MB21D2: variants seen among roughly 807,000 people sequenced by gnomAD.
MB21D2 encodes Mab-21 domain containing 2.
Under a neutral mutation model 33.3 loss-of-function variants are expected in MB21D2, and 9 were observed. That is an observed-to-expected ratio of 0.27 (90% CI 0.16 to 0.47). The LOEUF is 0.47. Ranked by LOEUF, MB21D2 falls within the 20% of genes least tolerant of loss-of-function variation. The pLI is 0.99. For missense variants in MB21D2, 540 were observed against 624.6 expected (o/e 0.86, Z 1.44); for synonymous variants, 241 against 236.3 (o/e 1.02, Z -0.18).
chr3:192,860,298 A>G (rs1043252451), intron 1 of MB21D2, among the ~76,000 whole-genome samples: 1 of 152,238 alleles, frequency 6.6e-6, no homozygotes, highest in Admixed American at 6.5e-5. Context: ...TTCATGCCAC[A>G]AACTGCTAGG....
At chr3:192,847,181 T>C (rs1349351818) in intron 1 of MB21D2, among the ~76,000 whole-genome samples, 1 of 152,198 alleles carries the variant, frequency 6.6e-6, no homozygotes, top group African/African-American at 2.4e-5. Flanking sequence ...AAGATTCAGA[T>C]GATTGGGTCT....
chr3:192,909,936 CAAAAAAAA>C (rs61613458), intron 1 of MB21D2, among the ~76,000 whole-genome samples: 3 of 52,804 alleles, frequency 5.7e-5, no homozygotes, highest in African/African-American at 8.0e-5. Flanking sequence ...GACTCTGTCT[CAAAAAAAA>C]AAAAAAAAAA....
intron 1 of MB21D2, among the ~76,000 whole-genome samples, chr3:192,867,735 T>C (rs972420006): frequency 1.3e-5 from 2 of 152,208 alleles, no homozygotes; most frequent in African/African-American, 4.8e-5. Flanking sequence ...AAGAGGGCTC[T>C]GTGACTGCTT....
rs34727233 is a variant in MB21D2, at chr3:192,898,224, ATTT to A, written c.211+19403_211+19405del. 1.7e-3 allele frequency among the ~76,000 whole-genome samples: 240 copies of A among 142,922 alleles called. 2 individuals carry two copies. The highest frequency in any genetic ancestry group is 0.012 in the South Asian group (56 of 4,512). The allele number at this position is 142,922 out of a possible 152,430, so 93.8% of individuals were successfully genotyped here. A position where few individuals can be genotyped will look rare whatever the true frequency, so the allele number is the denominator to read the frequency against. Reference sequence around the variant, plus strand: ...AACCAAAAACACATGAATCTCACGTATTTTTTTTTTTTTTGGAGATGGGATCTC... The same window carrying A: ...AACCAAAAACACATGAATCTCACGTATTTTTTTTTTTGGAGATGGGATCTC... On this transcript the variant is annotated intron_variant, in intron 1 of 1. Transcript: ENST00000392452.
At chr3:192,827,890 T>C (rs1009262798) in intron 1 of MB21D2, among the ~76,000 whole-genome samples, 29 of 152,120 alleles carry the variant, frequency 1.9e-4, no homozygotes, top group African/African-American at 6.5e-4. Flanking sequence ...TTAGCTCCCA[T>C]CATTACCACC....
At chr3:192,886,680 T>C (rs955580338) in intron 1 of MB21D2, among the ~76,000 whole-genome samples, 4 of 152,146 alleles carry the variant, frequency 2.6e-5, no homozygotes, top group African/African-American at 9.7e-5. Context: ...TAACATTCAA[T>C]AAATGGTGTC....
chr3:192,903,508 T>C (rs547320416), intron 1 of MB21D2, among the ~76,000 whole-genome samples: 164 of 152,370 alleles, frequency 1.1e-3, no homozygotes, highest in Non-Finnish European at 1.9e-3. Context: ...TGCCAATTTC[T>C]GCCTAAAGCT....
rs747430794 is a variant in MB21D2 at position 192,797,508 on chromosome 3, C to T, written c.*878G>A. The T allele has an allele frequency of 3.3e-5, 5 of 152,420 alleles. No individual in the cohort carries two copies. The highest frequency in any genetic ancestry group is 7.4e-5 in the Non-Finnish European group (5 of 67,994). 9.4% of individuals were successfully genotyped at this position (152,420 alleles called of 1,614,324 possible). On this transcript the variant is annotated 3_prime_UTR_variant, in exon 2 of 2. Coordinates refer to ENST00000392452, the MANE Select transcript of MB21D2 (RefSeq NM_178496.4). ...CAACTGAAGGAGAACTAAGCAAATG[C>T]AAAGAATCATTTCACTGATAGAAAT...
rs1182279827 is a variant in MB21D2, at chr3:192,828,635, T to C, written c.212-28985A>G. On this transcript the variant is annotated intron_variant, in intron 1 of 1. Coordinates refer to ENST00000392452, the MANE Select transcript of MB21D2 (RefSeq NM_178496.4). ...ATATATATATATATATATATATATA[T>C]ATATATATATATATATATATATATA... Among the ~76,000 whole-genome samples, 74 of 36,542 alleles carry C rather than the reference T, an allele frequency of 2.0e-3. 10 individuals are homozygous for C. The South Asian group carries it at 0.03, about 15-fold the overall frequency. 24.0% of individuals were successfully genotyped at this position (36,542 alleles called of 152,430 possible).
intron 1 of MB21D2, among the ~76,000 whole-genome samples, chr3:192,839,945 G>C (rs1712531410): frequency 6.6e-6 from 1 of 150,684 alleles, no homozygotes; most frequent in Non-Finnish European, 1.5e-5. Flanking sequence ...CTGTGGAGAA[G>C]CATGTAACAT....
Position 192,917,670 on chromosome 3 carries a change from C to T in MB21D2, c.171G>A (p.Leu57=), listed in dbSNP as rs1714499597. 8.1e-6 allele frequency: 13 copies of T among 1,614,182 alleles called. No individual in the cohort carries two copies. Among genetic ancestry groups the T allele is most frequent in the Non-Finnish European group, 1.1e-5 (13 of 1,180,036 alleles). ...TGAAATCCTTGGCTGTGTGAATCTC[C>T]AGCGCTCTCTGGTCGTCGTATTCCC... ...DQREYDDQRA[L]EIHTAKDFIF... is the part of the protein sequence containing the mutation. The change falls in exon 1 of 2, where the codon CTG becomes CTA. Residue 57 remains leucine, a synonymous_variant. Transcript: ENST00000392452.
chr3:192,890,914 A>C (rs1451146149), intron 1 of MB21D2, among the ~76,000 whole-genome samples: 1 of 152,108 alleles, frequency 6.6e-6, no homozygotes, highest in Non-Finnish European at 1.5e-5. Context: ...TATTACTCAT[A>C]AAAACTCAGT....
intron 1 of MB21D2, among the ~76,000 whole-genome samples, chr3:192,803,030 G>A (rs1417029146): frequency 6.6e-6 from 1 of 152,150 alleles, no homozygotes; most frequent in Non-Finnish European, 1.5e-5. Context: ...TATATAATCA[G>A]GGTAACTTGT....
At chr3:192,842,034 G>T (rs967368426) in intron 1 of MB21D2, among the ~76,000 whole-genome samples, 2 of 152,210 alleles carry the variant, frequency 1.3e-5, no homozygotes, top group African/African-American at 4.8e-5. Context: ...TGGAGCACAA[G>T]CAGGGTGCTT....
rs542079787 is a variant in MB21D2 at position 192,798,648 on chromosome 3, G to A, written c.1214C>T (p.Ser405Leu). The part of the protein sequence containing the change: ...LHARKLSSVR[S>L]DPAEHLRTAI... ...GGTGCGCAAGTGCTCTGCCGGGTCT[G>A]AGCGCACAGAGGACAGCTTCCGGGC... The change falls in exon 2 of 2, where the codon TCA becomes TTA. Residue 405 changes from serine (S) to leucine (L), a missense_variant. Transcript: ENST00000392452. This position sits in a 1 kb window ranked among gnomAD's most constrained non-coding sequence, Gnocchi z 4.8. The A allele has an allele frequency of 1.2e-6, 2 of 1,613,694 alleles. No individual in the cohort carries two copies. The highest frequency in any genetic ancestry group is 2.2e-5 in the East Asian group (1 of 44,876).
chr3:192,820,656 TC>T (rs1383936540), intron 1 of MB21D2, among the ~76,000 whole-genome samples: 1 of 152,262 alleles, frequency 6.6e-6, no homozygotes, highest in Non-Finnish European at 1.5e-5. Flanking sequence ...CCCCGGGCTC[TC>T]TCTGCAAAGG....
intron 1 of MB21D2, among the ~76,000 whole-genome samples, chr3:192,820,937 T>A (rs934862981): frequency 3.3e-5 from 5 of 151,002 alleles, no homozygotes; most frequent in African/African-American, 4.9e-5. Flanking sequence ...CTTTTTTTTA[T>A]ATATATTTTT....
chr3:192,857,891 G>A (rs551134505), intron 1 of MB21D2, among the ~76,000 whole-genome samples: 1 of 152,104 alleles, frequency 6.6e-6, no homozygotes, highest in African/African-American at 2.4e-5. Context: ...TTGAGAGGCT[G>A]AGGAGGGTGA....
At chr3:192,888,755 ATT>A (rs1713787328) in intron 1 of MB21D2, among the ~76,000 whole-genome samples, 1 of 152,092 alleles carries the variant, frequency 6.6e-6, no homozygotes, top group Non-Finnish European at 1.5e-5. Flanking sequence ...TATTTTATTT[ATT>A]GAGTCTTTAC....
Sources: gnomAD v4.1 joint callset for allele counts (sites outside exome capture counted in the v4.1 genomes callset) on GRCh38, gnomAD v4.1.1 for gene constraint, Gnocchi (gnomAD v3.1) non-coding constraint, MANE v1.5 for transcripts, NCBI Gene and HGNC (gene_info 2026-07-23, HGNC 2026-07-21) for gene names.